Variants in ANAPC5 observed in about 807,000 individuals in gnomAD.
ANAPC5 encodes anaphase-promoting complex subunit 5.
ANAPC5 carries 60 observed loss-of-function variants against 91.3 expected under a neutral mutation model. The observed-to-expected ratio is 0.66, with a 90% CI of 0.53 to 0.81. The LOEUF (loss-of-function observed/expected upper bound fraction) is 0.81, where lower values mean the gene tolerates loss of function less well. ANAPC5 is among the 40% of genes least tolerant of loss of function. The probability of loss-of-function intolerance (pLI) is 0.00; values close to 1 mark genes in which losing one functional copy is unlikely to be tolerated. For missense variants in ANAPC5, 690 were observed against 931.5 expected, an observed-to-expected ratio of 0.74 and a Z score of 3.37; for synonymous variants, 340 against 364.1, an observed-to-expected ratio of 0.93 and a Z score of 0.75.
rs373562790 is a variant in ANAPC5, at chr12:121,308,554, G to A, written c.2194C>T (p.Arg732Trp). ...AGCTGCCGGAAGAGCATCGCACACCGGTTCCTCTCCTGGGTCTTCCCCAGG... is the reference window on the plus strand; with the variant it reads ...AGCTGCCGGAAGAGCATCGCACACCAGTTCCTCTCCTGGGTCTTCCCCAGG... ...HTLGKTQERN[R>W]CAMLFRQLHQ... is the part of the protein sequence containing the mutation. Residue 732 changes from arginine (R) to tryptophan (W), a missense_variant, in exon 17 of 17, where the codon CGG (arginine) becomes TGG (tryptophan). Physicochemically the swap from Arg to Trp is moderately radical, Grantham distance 101. Coordinates refer to ENST00000261819, the MANE Select transcript of ANAPC5 (RefSeq NM_016237.5). The A allele has an allele frequency of 7.3e-5, 118 of 1,614,028 alleles. No homozygotes were observed. The highest frequency in any genetic ancestry group is 8.6e-5 in the Non-Finnish European group (102 of 1,180,030).
At chr12:121,326,040 G>T (rs1902803785) in intron 11 of ANAPC5, among the ~76,000 whole-genome samples, 1 of 152,196 alleles carries the variant, frequency 6.6e-6, no homozygotes, top group South Asian at 2.1e-4. Context: ...CAACCAGCTA[G>T]CCCTTTCGAC....
Position 121,308,611 on chromosome 12 carries a change from C to A in ANAPC5, c.2137G>T (p.Val713Phe), listed in dbSNP as rs1479291253. Reference sequence around the variant, plus strand: ...TAGAGTCTGGCCTGGAAGTAAACGACGTCCCTGATGCGCTCTTTGCAGTCA... The same window carrying A: ...TAGAGTCTGGCCTGGAAGTAAACGAAGTCCCTGATGCGCTCTTTGCAGTCA... ...KVDCKERIRD[V>F]VYFQARLYHT... is the part of the protein sequence containing the mutation. The change falls in exon 17 of 17, where the codon GTC becomes TTC. Residue 713 changes from valine to phenylalanine, a missense_variant. Physicochemically the swap from Val to Phe is conservative, Grantham distance 50. This residue lies in a region of ANAPC5 where 317 missense variants were observed against 438.7 expected (regional missense o/e 0.72). Transcript: ENST00000261819. 6.2e-7 allele frequency: 1 copy of A among 1,614,076 alleles called. No individual in the cohort carries two copies. The highest frequency in any genetic ancestry group is 1.7e-5 in the Admixed American group (1 of 59,998).
At chr12:121,352,614 C>T (rs1555275592), upstream of ANAPC5, among the ~76,000 whole-genome samples, 2 of 149,024 alleles carry the variant, frequency 1.3e-5, no homozygotes, top group African/African-American at 4.9e-5. Flanking sequence ...GGTTCCCAGG[C>T]TACGTGGACA....
intron 7 of ANAPC5, 54 bp downstream of exon 7, chr12:121,335,479 T>C: frequency 1.3e-6 from 2 of 1,528,828 alleles, no homozygotes; most frequent in South Asian, 2.5e-5. Flanking sequence ...CAGCAGACTT[T>C]TTATTGTCAT....
intron 12 of ANAPC5, among the ~76,000 whole-genome samples, 187 bp downstream of exon 12, chr12:121,320,198 A>G (rs1183891739): frequency 1.3e-5 from 2 of 152,196 alleles, no homozygotes; most frequent in Non-Finnish European, 2.9e-5. Context: ...TTGTCTCTAA[A>G]CAACATAGAG....
intron 12 of ANAPC5, 148 bp from the exon 13 acceptor site, chr12:121,319,966 A>G (rs1200428214): frequency 1.3e-6 from 1 of 760,500 alleles, no homozygotes. Flanking sequence ...TTTTTAAAAT[A>G]TCTCAAGTAT....
intron 1 of ANAPC5, among the ~76,000 whole-genome samples, chr12:121,349,611 A>T (rs1223992629): frequency 2.0e-5 from 3 of 151,864 alleles, no homozygotes; most frequent in Non-Finnish European, 4.4e-5. Context: ...AAAATTAAAT[A>T]AAATAACTAT....
chr12:121,336,019 C>A (rs1903223093), intron 6 of ANAPC5, among the ~76,000 whole-genome samples: 1 of 152,080 alleles, frequency 6.6e-6, no homozygotes, highest in Admixed American at 6.5e-5. Context: ...GAATACTGGG[C>A]CTTACCTAGT....
At position 121,352,358 on chromosome 12, in the gene ANAPC5, TCTCGGGCCC is replaced by T. The variant is rs782016881; in HGVS notation, c.-27_-19del. On this transcript the variant is annotated 5_prime_UTR_variant, in exon 1 of 17. Transcript: ENST00000261819. Reference sequence around the variant, plus strand: ...CTGGCCATGGCGGCCCGAGACTAAGTCTCGGGCCCGCGGCGCGCTGCCGCCAGTTGTCAC... The same window carrying T: ...CTGGCCATGGCGGCCCGAGACTAAGTGCGGCGCGCTGCCGCCAGTTGTCAC... The T allele has an allele frequency of 3.2e-6, 5 of 1,576,206 alleles. No individual in the cohort carries two copies. The African/African-American group carries it at 6.8e-5, about 22-fold the overall frequency.
At position 121,347,806 on chromosome 12, in the gene ANAPC5, T is replaced by G. The variant is rs1555274840; in HGVS notation, c.283A>C (p.Ile95Leu). ...AAAGAAGAAAATGAAGTTTACCTGA[T>G]CTGCACTGAATTTGCCAGCTGTGGA... The part of the protein sequence containing the change: ...SCPQLANSVQ[I>L]RIKLMAEGEL... Residue 95 changes from isoleucine (I) to leucine (L), a missense_variant, in exon 2 of 17, where the codon ATC becomes CTC. This residue lies in a region of ANAPC5 where 238 missense variants were observed against 264.9 expected (regional missense o/e 0.90). Transcript: ENST00000261819. The G allele has an allele frequency of 6.2e-7, 1 of 1,610,148 alleles. No individual in the cohort carries two copies. Among genetic ancestry groups the G allele is most frequent in the Non-Finnish European group, 8.5e-7 (1 of 1,176,430 alleles).
Position 121,320,430 on chromosome 12 carries a change from T to C in ANAPC5, c.1470A>G (p.Leu490=), listed in dbSNP as rs769042466. 3.8e-5 allele frequency: 62 copies of C among 1,613,774 alleles called. 1 individual carries two copies. Among genetic ancestry groups the C allele is most frequent in the South Asian group, 1.5e-4 (14 of 91,076 alleles). ...GCGGAAATCGTTCCTTCAAGTGCTT[T>C]AACACTTCAGAAGCTGCAGCAAAAC... ...QGCFAAASEV[L]KHLKERFPPN... Residue 490 remains leucine, a synonymous_variant, in exon 12 of 17, where the codon TTA becomes TTG. Transcript: ENST00000261819.
Position 121,335,588 on chromosome 12 carries a change from T to G in ANAPC5, c.895A>C (p.Ser299Arg). ...KSNGEEGYGR[S>R]LRYAALNLAA... is the part of the protein sequence containing the mutation. Reference sequence around the variant, plus strand: ...AGATTCAGAGCGGCGTATCTCAAGCTCCGGCCATAGCCCTCTTCCCCATTA... The same window carrying G: ...AGATTCAGAGCGGCGTATCTCAAGCGCCGGCCATAGCCCTCTTCCCCATTA... Residue 299 changes from serine (S) to arginine (R), a missense_variant, in exon 7 of 17, where the codon AGC (serine) becomes CGC (arginine). This residue lies in a region of ANAPC5 where 83 missense variants were observed against 150.8 expected (regional missense o/e 0.55). Coordinates refer to ENST00000261819, the MANE Select transcript of ANAPC5 (RefSeq NM_016237.5). The G allele has an allele frequency of 2.5e-6, 4 of 1,613,830 alleles. No homozygotes were observed. The highest frequency in any genetic ancestry group is 3.4e-6 in the Non-Finnish European group (4 of 1,179,746).
Position 121,309,698 on chromosome 12 carries a change from T to C in ANAPC5, c.2056+3A>G. 2 of 1,613,390 alleles carry C rather than the reference T, an allele frequency of 1.2e-6. No individual in the cohort carries two copies. Among genetic ancestry groups the C allele is most frequent in the Non-Finnish European group, 1.7e-6 (2 of 1,179,654 alleles). The stretch of plus-strand genomic sequence containing the variant: ...GCCTAACAGTCTTCGTACAGCTTCC[T>C]ACCTTCTGCTTTCTTCGGCTGATCG... On this transcript the variant is annotated splice_donor_region_variant and intron_variant, in intron 16 of 16. Transcript: ENST00000261819.
At chr12:121,348,537 C>T (rs1310638569) in intron 1 of ANAPC5, among the ~76,000 whole-genome samples, 2 of 152,114 alleles carry the variant, frequency 1.3e-5, no homozygotes, top group African/African-American at 2.4e-5. Flanking sequence ...TGGTGGCACA[C>T]ACCTGTAGTC....
At chr12:121,330,780 C>A (rs534294635) in intron 8 of ANAPC5, 108 bp from the exon 9 acceptor site, 2 of 770,008 alleles carry the variant, frequency 2.6e-6, no homozygotes, top group African/African-American at 1.8e-5. Context: ...AAAATGAATC[C>A]TCTCAAATAC....
At chr12:121,316,914 C>G (rs2668244) in intron 15 of ANAPC5, among the ~76,000 whole-genome samples, 140,881 of 152,128 alleles carry the variant, frequency 0.93, 65,492 homozygotes, top group East Asian at 1. Context: ...CCATGAAAAA[C>G]AATGAAGCAC....
At chr12:121,344,014 C>T (rs1407708420) in intron 4 of ANAPC5, among the ~76,000 whole-genome samples, 1 of 152,166 alleles carries the variant, frequency 6.6e-6, no homozygotes, top group African/African-American at 2.4e-5. Context: ...AGAAGTAAAA[C>T]AGCAAAAGGA....
chr12:121,345,864 T>C lies in ANAPC5; in HGVS notation c.565A>G (p.Lys189Glu), dbSNP rs781977949. ...SRDEGERKME[K>E]EELDVSVREE... ...CTTACAGATACATCAAGTTCTTCTT[T>C]TTCCATTTTTCTTTCACCCTCATCT... is the stretch of plus-strand genomic sequence containing the variant. The change falls in exon 4 of 17, where the codon AAA becomes GAA. Residue 189 changes from lysine (K) to glutamate (E), a missense_variant. Lys to Glu is a moderately conservative substitution (Grantham distance 56). This residue lies in a region of ANAPC5 where 238 missense variants were observed against 264.9 expected (regional missense o/e 0.90). Coordinates refer to ENST00000261819, the MANE Select transcript of ANAPC5 (RefSeq NM_016237.5). 31 of 1,613,478 alleles carry C rather than the reference T, an allele frequency of 1.9e-5. No individual in the cohort carries two copies. The South Asian group carries it at 3.4e-4, about 18-fold the overall frequency.
chr12:121,312,087 A>G (rs1902186349), intron 15 of ANAPC5, among the ~76,000 whole-genome samples: 1 of 152,210 alleles, frequency 6.6e-6, no homozygotes, highest in Non-Finnish European at 1.5e-5. Flanking sequence ...ATAACACTCA[A>G]TAAATTTAAG....
Sources: allele counts gnomAD v4.1 joint callset (sites outside exome capture counted in the v4.1 genomes callset), GRCh38; gene constraint gnomAD v4.1.1; regional missense constraint gnomAD v4.1.1; transcripts MANE v1.5; gene names NCBI Gene and HGNC (gene_info 2026-07-23, HGNC 2026-07-21).